The following STK16 variants were observed in gnomAD, a reference collection of about 807,000 sequenced individuals.
STK16 encodes the protein serine/threonine-protein kinase 16.
A neutral mutation model predicts 37.8 loss-of-function variants in STK16; 28 were observed. That is an observed-to-expected ratio of 0.74 (90% CI 0.55 to 1.02). The LOEUF is 1.02. Among genes scored for constraint, STK16 ranks in the 50% least tolerant of loss-of-function variants. The pLI, the probability that STK16 is intolerant of heterozygous loss-of-function variation, is 0.00. For synonymous variants in STK16, 134 were observed against 155.0 expected (o/e 0.86, Z 1.01); for missense variants, 349 against 390.6 (o/e 0.89, Z 0.90).
At position 219,246,369 on chromosome 2, in the gene STK16, G is replaced by A; in HGVS notation, c.86+284G>A. On this transcript the variant is annotated intron_variant, in intron 2 of 7. Coordinates refer to ENST00000396738, the MANE Select transcript of STK16 (RefSeq NM_001330213.2). This position sits in a 1 kb window ranked among gnomAD's most constrained non-coding sequence, Gnocchi z 4.5. Reference sequence around the variant, plus strand: ...TTAAATGAGATAATGTGTATAAAATGTCTCACCCAATGCGGGGTTGACAAG... The same window carrying A: ...TTAAATGAGATAATGTGTATAAAATATCTCACCCAATGCGGGGTTGACAAG... The A allele has an allele frequency of 3.3e-6, 2 of 608,862 alleles. No homozygotes were observed. Among genetic ancestry groups the A allele is most frequent in the Non-Finnish European group, 6.0e-6 (2 of 334,258 alleles). 37.7% of individuals were successfully genotyped at this position (608,862 alleles called of 1,614,324 possible).
Position 219,246,626 on chromosome 2 carries a change from A to G in STK16, c.87-31A>G, listed in dbSNP as rs1371452008. 6.3e-6 allele frequency: 10 copies of G among 1,583,418 alleles called. No homozygotes were observed. The South Asian group carries it at 1.0e-4, about 16-fold the overall frequency. Reference sequence around the variant, plus strand: ...GGTCCAAGCCATGTGGGAGATGACCATGGCCCTTTATTGACCCCTTTGGCC... The same window carrying G: ...GGTCCAAGCCATGTGGGAGATGACCGTGGCCCTTTATTGACCCCTTTGGCC... On this transcript the variant is annotated intron_variant, in intron 2 of 7. Coordinates refer to ENST00000396738, the MANE Select transcript of STK16 (RefSeq NM_001330213.2). The surrounding 1 kb of genome is among the most constrained non-coding windows in gnomAD (Gnocchi z 4.5).
Position 219,248,620 on chromosome 2 carries a change from T to G in STK16, c.*61T>G. 1 of 1,550,276 alleles carries G rather than the reference T, an allele frequency of 6.5e-7. No individual in the cohort carries two copies. The highest frequency in any genetic ancestry group is 1.7e-4 in the Middle Eastern group (1 of 5,724). On this transcript the variant is annotated 3_prime_UTR_variant, in exon 8 of 8. Transcript: ENST00000396738. The stretch of plus-strand genomic sequence containing the variant: ...TTGGAAAGAGGTTCCCATCCCTCAT[T>G]GGAATCACCACCCATTCCATCCAGG...
chr2:219,246,816 T>G lies in STK16; in HGVS notation c.246T>G (p.Ala82=), dbSNP rs1951543749. 1 of 1,614,142 alleles carries G rather than the reference T, an allele frequency of 6.2e-7. No homozygotes were observed. The highest frequency in any genetic ancestry group is 1.3e-5 in the African/African-American group (1 of 75,032). The change falls in exon 3 of 8, where the codon GCT becomes GCG. Residue 82 remains alanine, a synonymous_variant. Transcript: ENST00000396738. This position sits in a 1 kb window ranked among gnomAD's most constrained non-coding sequence, Gnocchi z 4.5. ...FNHPNILRLV[A]YCLRERGAKH... is the part of the protein sequence containing the mutation. ...ACCCCAACATCCTTCGCCTCGTGGCTTACTGTCTGAGGGAACGGGGTGCTA... is the reference window on the plus strand; with the variant it reads ...ACCCCAACATCCTTCGCCTCGTGGCGTACTGTCTGAGGGAACGGGGTGCTA...
rs374297678 is a variant in STK16, at chr2:219,248,608, C to T, written c.*49C>T. On this transcript the variant is annotated 3_prime_UTR_variant, in exon 8 of 8. Coordinates refer to ENST00000396738, the MANE Select transcript of STK16 (RefSeq NM_001330213.2). ...GCCCCTTGTGCCTTGGAAAGAGGTT[C>T]CCATCCCTCATTGGAATCACCACCC... 2.9e-5 allele frequency: 45 copies of T among 1,560,648 alleles called. No individual in the cohort carries two copies. In the African/African-American group the frequency reaches 6.0e-4, roughly 21 times the overall value.
In STK16 at chr2:219,246,952, G is replaced by T; in HGVS notation, c.306+76G>T. 1 of 1,528,682 alleles carries T rather than the reference G, an allele frequency of 6.5e-7. No homozygotes were observed. 94.7% of individuals were successfully genotyped at this position (1,528,682 alleles called of 1,614,324 possible). On this transcript the variant is annotated intron_variant, in intron 3 of 7. Coordinates refer to ENST00000396738, the MANE Select transcript of STK16 (RefSeq NM_001330213.2). The surrounding 1 kb of genome is among the most constrained non-coding windows in gnomAD (Gnocchi z 4.5). ...AAGGGCTGTGTGAGCAGTCCAGCAT[G>T]TTAGGAAGCAGGGACCATGTCCTGG...
rs1037217438 is a variant in STK16 at position 219,250,260 on chromosome 2, G to C, written c.*1701G>C. ...GAAGGGGAAGGCAGCAGAAGCTCAA[G>C]CACTCAGAGGGAACAAGAAACCGTG... On this transcript the variant is annotated 3_prime_UTR_variant, in exon 8 of 8. Transcript: ENST00000396738. The surrounding 1 kb of genome is among the most constrained non-coding windows in gnomAD (Gnocchi z 8.4). 36 of 1,512,138 alleles carry C rather than the reference G, an allele frequency of 2.4e-5. No individual in the cohort carries two copies. Among genetic ancestry groups the C allele is most frequent in the Non-Finnish European group, 1.4e-5 (16 of 1,123,354 alleles). 93.7% of individuals were successfully genotyped at this position (1,512,138 alleles called of 1,614,324 possible).
At position 219,248,256 on chromosome 2, in the gene STK16, A is replaced by G; in HGVS notation, c.721A>G (p.Lys241Glu). Residue 241 changes from lysine (K) to glutamate (E), a missense_variant, in exon 7 of 8, where the codon AAG (lysine) becomes GAG (glutamate). Coordinates refer to ENST00000396738, the MANE Select transcript of STK16 (RefSeq NM_001330213.2). ...AGGCCCTTATGACATGGTGTTCCAA[A>G]AGGGTGACAGTGTGGCCCTTGCTGT... ...GEGPYDMVFQ[K>E]GDSVALAVQN... is the part of the protein sequence containing the mutation. The G allele has an allele frequency of 1.2e-6, 2 of 1,614,140 alleles. No homozygotes were observed. The highest frequency in any genetic ancestry group is 1.7e-6 in the Non-Finnish European group (2 of 1,180,018).
rs373067767 is a variant in STK16, at chr2:219,248,438, G to A, written c.797G>A (p.Arg266Gln). Residue 266 changes from arginine to glutamine, a missense_variant, in exon 8 of 8, where the codon CGG becomes CAG. Arg to Gln is a conservative substitution (Grantham distance 43). Transcript: ENST00000396738. ...PQSPRHSSAL[R>Q]QLLNSMMTVD... Reference sequence around the variant, plus strand: ...CTCCACAGGCATTCTTCAGCATTGCGGCAGCTCCTGAACTCGATGATGACC... The same window carrying A: ...CTCCACAGGCATTCTTCAGCATTGCAGCAGCTCCTGAACTCGATGATGACC... 12 of 1,613,830 alleles carry A rather than the reference G, an allele frequency of 7.4e-6. No homozygotes were observed. In the East Asian group the frequency reaches 8.9e-5, roughly 12 times the overall value.
Position 219,247,695 on chromosome 2 carries a change from C to A in STK16, c.595C>A (p.Arg199=). ...WAAQRCTISY[R]APELFSVQSH... ...AGCCCAGCGGTGCACCATCTCCTAC[C>A]GAGCCCCAGAGCTCTTCTCTGTGCA... Residue 199 remains arginine, a synonymous_variant, in exon 6 of 8, where the codon CGA becomes AGA. Transcript: ENST00000396738. 6.2e-7 allele frequency: 1 copy of A among 1,609,424 alleles called. No homozygotes were observed. Among genetic ancestry groups the A allele is most frequent in the Non-Finnish European group, 8.5e-7 (1 of 1,176,904 alleles).
intron 5 of STK16, 52 bp downstream of exon 5, chr2:219,247,587 T>A (rs1167779323): frequency 1.3e-5 from 21 of 1,614,064 alleles, no homozygotes; most frequent in Non-Finnish European, 1.7e-5. Flanking sequence ...TCCCACCCCT[T>A]CTGGTGCATG....
Position 219,246,491 on chromosome 2 carries a change from C to A in STK16, c.87-166C>A. On this transcript the variant is annotated intron_variant, in intron 2 of 7. Transcript: ENST00000396738. The surrounding 1 kb of genome is among the most constrained non-coding windows in gnomAD (Gnocchi z 4.5). The stretch of plus-strand genomic sequence containing the variant: ...CCTCAAAGATTTCTATATCTCTGCT[C>A]CTGAGGAGCTCACGGTGTAATATTC... The A allele has an allele frequency of 1.4e-6, 1 of 692,120 alleles. No individual in the cohort carries two copies. Among genetic ancestry groups the A allele is most frequent in the South Asian group, 1.5e-5 (1 of 64,528 alleles). 42.9% of individuals were successfully genotyped at this position (692,120 alleles called of 1,614,324 possible).
In STK16 at chr2:219,250,157, A is replaced by G. The variant is rs1239540219; in HGVS notation, c.*1598A>G. 1.2e-6 allele frequency: 1 copy of G among 803,692 alleles called. No individual in the cohort carries two copies. Among genetic ancestry groups the G allele is most frequent in the East Asian group, 2.5e-5 (1 of 40,396 alleles). The allele number at this position is 803,692 out of a possible 1,614,324, so 49.8% of individuals were successfully genotyped here. Reference sequence around the variant, plus strand: ...TGGGGTTATGCTTCCTGGGCCTGGCAAGAACCCCTTTGCAGGTCTCACCTT... The same window carrying G: ...TGGGGTTATGCTTCCTGGGCCTGGCGAGAACCCCTTTGCAGGTCTCACCTT... On this transcript the variant is annotated 3_prime_UTR_variant, in exon 8 of 8. Transcript: ENST00000396738. The surrounding 1 kb of genome is among the most constrained non-coding windows in gnomAD (Gnocchi z 8.4).
At position 219,246,106 on chromosome 2, in the gene STK16, T is replaced by G. The variant is rs1415425619; in HGVS notation, c.86+21T>G. On this transcript the variant is annotated intron_variant, in intron 2 of 7. Coordinates refer to ENST00000396738, the MANE Select transcript of STK16 (RefSeq NM_001330213.2). The surrounding 1 kb of genome is among the most constrained non-coding windows in gnomAD (Gnocchi z 4.5). Reference sequence around the variant, plus strand: ...GAGGGGTGAGTGTTTGGAAGTCAGTTAACTAGTCCTCAAGTTTATGATCAT... The same window carrying G: ...GAGGGGTGAGTGTTTGGAAGTCAGTGAACTAGTCCTCAAGTTTATGATCAT... 1 of 1,602,630 alleles carries G rather than the reference T, an allele frequency of 6.2e-7. No individual in the cohort carries two copies. The highest frequency in any genetic ancestry group is 1.1e-5 in the South Asian group (1 of 90,700).
Position 219,248,728 on chromosome 2 carries a change from G to A in STK16, c.*169G>A. On this transcript the variant is annotated 3_prime_UTR_variant, in exon 8 of 8. Coordinates refer to ENST00000396738, the MANE Select transcript of STK16 (RefSeq NM_001330213.2). The stretch of plus-strand genomic sequence containing the variant: ...TTCTTCTGCTTTCTTCCCTCCAAGA[G>A]CAAAACCTGGGCAAGGGGACTTACT... 1.4e-5 allele frequency: 6 copies of A among 436,684 alleles called. No individual in the cohort carries two copies. The highest frequency in any genetic ancestry group is 2.2e-5 in the Non-Finnish European group (6 of 267,154). 27.1% of individuals were successfully genotyped at this position (436,684 alleles called of 1,614,324 possible).
intron 6 of STK16, 96 bp downstream of exon 6, chr2:219,247,853 G>T (rs951685935): frequency 8.4e-7 from 1 of 1,193,170 alleles, no homozygotes; most frequent in Middle Eastern, 1.9e-4. Context: ...TGCATGGGGC[G>T]CCAGGAACCA....
At position 219,246,836 on chromosome 2, in the gene STK16, G is replaced by A; in HGVS notation, c.266G>A (p.Gly89Asp). Residue 89 changes from glycine to aspartate, a missense_variant, in exon 3 of 8, where the codon GGT (glycine) becomes GAT (aspartate). By Grantham distance (94) the Gly-to-Asp change is moderately conservative. Coordinates refer to ENST00000396738, the MANE Select transcript of STK16 (RefSeq NM_001330213.2). This position sits in a 1 kb window ranked among gnomAD's most constrained non-coding sequence, Gnocchi z 4.5. ...GTGGCTTACTGTCTGAGGGAACGGG[G>A]TGCTAAGCATGAGGCCTGGCTGCTG... is the stretch of plus-strand genomic sequence containing the variant. ...RLVAYCLRER[G>D]AKHEAWLLLP... 6.2e-7 allele frequency: 1 copy of A among 1,613,770 alleles called. No homozygotes were observed. The highest frequency in any genetic ancestry group is 8.5e-7 in the Non-Finnish European group (1 of 1,179,694).
rs771955407 is a variant in STK16, at chr2:219,246,039, A to G, written c.40A>G (p.Ile14Val). 1.2e-6 allele frequency: 2 copies of G among 1,614,050 alleles called. No individual in the cohort carries two copies. The highest frequency in any genetic ancestry group is 2.2e-5 in the East Asian group (1 of 44,878). Residue 14 changes from isoleucine to valine, a missense_variant, in exon 2 of 8, where the codon ATC becomes GTC. By Grantham distance (29) the Ile-to-Val change is conservative. Transcript: ENST00000396738. The surrounding 1 kb of genome is among the most constrained non-coding windows in gnomAD (Gnocchi z 4.5). ...ALCVCSRGTV[I>V]IDNKRYLFIQ... ...GTGTGTCTGCTCTCGGGGAACTGTC[A>G]TCATTGACAATAAGCGCTACCTCTT...
chr2:219,247,853 G>A (rs951685935), intron 6 of STK16, 96 bp downstream of exon 6: 18 of 1,193,042 alleles, frequency 1.5e-5, no homozygotes, highest in African/African-American at 4.5e-5. Flanking sequence ...TGCATGGGGC[G>A]CCAGGAACCA....
chr2:219,248,502 C>G lies in STK16; in HGVS notation c.861C>G (p.Leu287=). Residue 287 remains leucine (L), a synonymous_variant, in exon 8 of 8, where the codon CTC becomes CTG. Transcript: ENST00000396738. ...PHQRPHIPLL[L]SQLEALQPPA... Reference sequence around the variant, plus strand: ...AGCGTCCTCACATTCCTCTCCTCCTCAGTCAGCTGGAGGCGCTTCAGCCCC... The same window carrying G: ...AGCGTCCTCACATTCCTCTCCTCCTGAGTCAGCTGGAGGCGCTTCAGCCCC... 1 of 1,614,066 alleles carries G rather than the reference C, an allele frequency of 6.2e-7. No homozygotes were observed. Among genetic ancestry groups the G allele is most frequent in the Non-Finnish European group, 8.5e-7 (1 of 1,179,922 alleles).
Sources: allele counts gnomAD v4.1 joint callset, GRCh38; gene constraint gnomAD v4.1.1; non-coding constraint Gnocchi (gnomAD v3.1); transcripts MANE v1.5; gene names NCBI Gene and HGNC (gene_info 2026-07-23, HGNC 2026-07-21).